The following SH3YL1 variants were observed in gnomAD, a reference collection of about 807,000 sequenced individuals.
The protein encoded by SH3YL1 is SH3 and SYLF domain containing 1, also known as SH3 domain-containing YSC84-like protein 1.
In SH3YL1, 41 loss-of-function variants were observed where a neutral mutation model predicts 45.8. The observed-to-expected ratio is 0.89, with a 90% CI of 0.70 to 1.16. The LOEUF (loss-of-function observed/expected upper bound fraction) is 1.16, where lower values mean the gene tolerates loss of function less well. Among genes scored for constraint, SH3YL1 ranks in the 50% most tolerant of loss-of-function variants. The pLI, the probability that SH3YL1 is intolerant of heterozygous loss-of-function variation, is 0.00. For missense variants in SH3YL1, 389 were observed against 409.6 expected (o/e 0.95, Z 0.43); for synonymous variants, 152 against 151.4 (o/e 1.00, Z -0.03).
chr2:229,832 C>A, intron 8 of SH3YL1, 134 bp downstream of exon 8: 1 of 598,980 alleles, frequency 1.7e-6, no homozygotes, highest in South Asian at 2.6e-5. Flanking sequence ...AGAGGCTGAG[C>A]ACTTATTTTA....
chr2:259,615 A>G (rs1669503428), intron 1 of SH3YL1: 1 of 152,064 alleles, frequency 6.6e-6, no homozygotes, highest in Admixed American at 6.6e-5. Flanking sequence ...CCTGTGACAC[A>G]TTACAAAGCC....
intron 4 of SH3YL1, chr2:242,875 T>C: frequency 6.8e-7 from 1 of 1,477,664 alleles, no homozygotes. Context: ...TGGCACTCTT[T>C]ATATCAAACA....
upstream of SH3YL1, chr2:264,344 G>A: frequency 7.4e-6 from 2 of 271,850 alleles, no homozygotes; most frequent in Non-Finnish European, 1.4e-5. Flanking sequence ...TTCCCCGCGT[G>A]ACCCGCCCAG....
At chr2:245,876 T>C (rs577821736) in intron 4 of SH3YL1, among the ~76,000 whole-genome samples, 14 of 151,156 alleles carry the variant, frequency 9.3e-5, no homozygotes, top group Admixed American at 1.3e-4. Context: ...TAAAAAAAAA[T>C]AAAAATAAAA....
chr2:247,475 AG>A (rs1350240239), intron 4 of SH3YL1, 62 bp downstream of exon 4: 36 of 1,297,910 alleles, frequency 2.8e-5, no homozygotes, highest in African/African-American at 1.5e-5. Context: ...CAGTTTTCAC[AG>A]GTTGCATCTT....
Position 234,267 on chromosome 2 carries a change from T to G in SH3YL1, c.297A>C (p.Ser99=). The part of the protein sequence containing the change: ...GGGFEIGIEV[S]DLVIILNYDR... Reference sequence around the variant, plus strand: ...CATAATTCAGAATTATCACCAAGTCTGATACCTAAAGTGTAGAAACCCATG... The same window carrying G: ...CATAATTCAGAATTATCACCAAGTCGGATACCTAAAGTGTAGAAACCCATG... Residue 99 remains serine (S), a synonymous_variant, in exon 5 of 10, where the codon TCA becomes TCC. Transcript: ENST00000356150. The G allele has an allele frequency of 6.2e-7, 1 of 1,609,846 alleles. No individual in the cohort carries two copies. The highest frequency in any genetic ancestry group is 8.5e-7 in the Non-Finnish European group (1 of 1,178,298).
intron 1 of SH3YL1, chr2:260,320 T>C (rs1451900967): frequency 1.3e-5 from 2 of 152,244 alleles, no homozygotes; most frequent in Non-Finnish European, 2.9e-5. Context: ...GAATATTTCA[T>C]CTACTTTATT....
chr2:252,367 C>T lies in SH3YL1; in HGVS notation c.112+638G>A, dbSNP rs557488754. ...AGGTTAGCTTGCAGAGTTCTTAGCA[C>T]GCGATGCAAAGGACAGGCGAGGCTG... On this transcript the variant is annotated intron_variant, in intron 2 of 9. Coordinates refer to ENST00000356150, the MANE Select transcript of SH3YL1 (RefSeq NM_015677.4). Among the ~76,000 whole-genome samples the T allele has an allele frequency of 3.8e-4, 58 of 152,234 alleles. No homozygotes were observed. The South Asian group carries it at 0.011, about 28-fold the overall frequency.
intron 4 of SH3YL1, among the ~76,000 whole-genome samples, chr2:237,197 G>A (rs1279928125): frequency 6.6e-6 from 1 of 151,786 alleles, no homozygotes; most frequent in African/African-American, 2.4e-5. Flanking sequence ...TGGTTCTTAT[G>A]TTCCGCTTCT....
chr2:227,789 T>C (rs1001134665), intron 8 of SH3YL1, among the ~76,000 whole-genome samples: 2 of 151,592 alleles, frequency 1.3e-5, no homozygotes, highest in Non-Finnish European at 2.9e-5. Context: ...AGTGAAAACA[T>C]AGGTGAAATG....
At chr2:229,635 A>G (rs948645435) in intron 8 of SH3YL1, among the ~76,000 whole-genome samples, 3 of 147,674 alleles carry the variant, frequency 2.0e-5, no homozygotes, top group Non-Finnish European at 3.0e-5. Context: ...AGGCTGAGGC[A>G]GGAGAATGGC....
intron 1 of SH3YL1, among the ~76,000 whole-genome samples, chr2:255,088 C>T (rs1669257056): frequency 6.6e-6 from 1 of 152,196 alleles, no homozygotes; most frequent in African/African-American, 2.4e-5. Flanking sequence ...TCAGGACCTC[C>T]TGAGGCTGTG....
intron 9 of SH3YL1, among the ~76,000 whole-genome samples, chr2:220,188 C>CAATAATAATAATAAT (rs3976788): frequency 1.5e-4 from 22 of 144,504 alleles, no homozygotes; most frequent in Admixed American, 7.8e-4. Context: ...ACCCATAATA[C>CAATAATAATAATAAT]AATAATAATA....
chr2:263,843 C>T (rs935912149), intron 1 of SH3YL1, 141 bp downstream of exon 1: 3 of 685,314 alleles, frequency 4.4e-6, no homozygotes, highest in Admixed American at 2.4e-5. Context: ...TCTATCTTAA[C>T]TTTGGGCGGT....
intron 4 of SH3YL1, among the ~76,000 whole-genome samples, chr2:244,107 C>T (rs545852435): frequency 6.6e-6 from 1 of 152,226 alleles, no homozygotes; most frequent in South Asian, 2.1e-4. Context: ...GAGAATTCTC[C>T]TGGCTTAGCT....
At chr2:220,457 T>C (rs1033549165) in intron 9 of SH3YL1, among the ~76,000 whole-genome samples, 3 of 152,142 alleles carry the variant, frequency 2.0e-5, no homozygotes, top group African/African-American at 7.2e-5. Flanking sequence ...TATATTTACT[T>C]TTAGTTAACA....
At position 229,991 on chromosome 2, in the gene SH3YL1, T is replaced by C; in HGVS notation, c.756A>G (p.Pro252=). The C allele has an allele frequency of 6.2e-7, 1 of 1,613,054 alleles. No homozygotes were observed. Among genetic ancestry groups the C allele is most frequent in the Non-Finnish European group, 8.5e-7 (1 of 1,179,216 alleles). Residue 252 remains proline, a synonymous_variant, in exon 8 of 10, where the codon CCA becomes CCG. Coordinates refer to ENST00000356150, the MANE Select transcript of SH3YL1 (RefSeq NM_015677.4). ...TTTGAGAGCCAGAGTTCAGCTGGAC[T>C]GGTGCAGATGACTGCTGTGGTCTTG... ...PLSRPQQSSA[P]VQLNSGSQSN...
At chr2:258,611 T>C (rs1669457875) in intron 1 of SH3YL1, among the ~76,000 whole-genome samples, 1 of 152,232 alleles carries the variant, frequency 6.6e-6, no homozygotes. Flanking sequence ...GTGAGTTACT[T>C]GTAGATCAGC....
chr2:257,316 T>C (rs768808010), intron 1 of SH3YL1, among the ~76,000 whole-genome samples: 1 of 152,250 alleles, frequency 6.6e-6, no homozygotes, highest in Non-Finnish European at 1.5e-5. Context: ...AGCGATTATG[T>C]CCACAATGGA....
Sources: gnomAD v4.1 joint callset for allele counts (sites outside exome capture counted in the v4.1 genomes callset) on GRCh38, gnomAD v4.1.1 for gene constraint, MANE v1.5 for transcripts, NCBI Gene and HGNC (gene_info 2026-07-23, HGNC 2026-07-21) for gene names.